SPIDR: variants seen among roughly 807,000 people sequenced by gnomAD.
SPIDR encodes DNA repair-scaffolding protein.
A neutral mutation model predicts 104.6 loss-of-function variants in SPIDR; 93 were observed. The observed-to-expected ratio is 0.89, with a 90% CI of 0.75 to 1.06. SPIDR has a LOEUF of 1.06. Among genes scored for constraint, SPIDR ranks in the 50% least tolerant of loss-of-function variants. The probability of loss-of-function intolerance (pLI) is 0.00; values close to 1 mark genes in which losing one functional copy is unlikely to be tolerated. For missense variants in SPIDR, 1,154 were observed against 1,111.2 expected (o/e 1.04, Z -0.55); for synonymous variants, 431 against 416.9 (o/e 1.03, Z -0.41).
At chr8:47,539,629 T>A (rs1412847764) in intron 8 of SPIDR, among the ~76,000 whole-genome samples, 2 of 152,064 alleles carry the variant, frequency 1.3e-5, no homozygotes, top group Non-Finnish European at 2.9e-5. Context: ...GTTTTTCTAA[T>A]CCACTCATGT....
chr8:47,335,793 G>A lies in SPIDR; in HGVS notation c.525+41763G>A, dbSNP rs143729762. ...ATTTCAGTCTACTCTTGCTTGCACTGTTTCTGAGAAGAAGTTGTTATCTTT... is the reference window on the plus strand; with the variant it reads ...ATTTCAGTCTACTCTTGCTTGCACTATTTCTGAGAAGAAGTTGTTATCTTT... On this transcript the variant is annotated intron_variant, in intron 5 of 19. Transcript: ENST00000297423. 3.1e-3 allele frequency among the ~76,000 whole-genome samples: 466 copies of A among 152,276 alleles called. 1 individual carries two copies. The highest frequency in any genetic ancestry group is 0.011 in the African/African-American group (455 of 41,546).
chr8:47,305,566 T>G (rs1466209174), intron 5 of SPIDR, among the ~76,000 whole-genome samples: 1 of 152,208 alleles, frequency 6.6e-6, no homozygotes, highest in Non-Finnish European at 1.5e-5. Flanking sequence ...TTGTACTACA[T>G]GGGAGTGTAT....
chr8:47,516,936 T>A (rs1270705284), intron 8 of SPIDR, among the ~76,000 whole-genome samples: 1 of 152,210 alleles, frequency 6.6e-6, no homozygotes, highest in East Asian at 1.9e-4. Flanking sequence ...CAACACTTGT[T>A]ATTTTCTTTT....
At chr8:47,673,592 G>GT (rs1257136334) in intron 10 of SPIDR, 11 of 630,988 alleles carry the variant, frequency 1.7e-5, no homozygotes, top group Middle Eastern at 4.0e-4. Context: ...TGAATTCAAC[G>GT]TTTTTTTAAT....
chr8:47,526,361 G>C (rs900626367), intron 8 of SPIDR, among the ~76,000 whole-genome samples: 5 of 152,200 alleles, frequency 3.3e-5, no homozygotes, highest in Non-Finnish European at 5.9e-5. Context: ...GCAGAGTCCT[G>C]CTACCTTACT....
At chr8:47,553,806 C>A (rs1035281396) in intron 8 of SPIDR, among the ~76,000 whole-genome samples, 2 of 152,196 alleles carry the variant, frequency 1.3e-5, no homozygotes, top group African/African-American at 4.8e-5. Flanking sequence ...GAACTGTCTT[C>A]CTTTGGAGGA....
In SPIDR at chr8:47,294,007, G is replaced by A; in HGVS notation, c.502G>A (p.Glu168Lys). 6.2e-7 allele frequency: 1 copy of A among 1,613,872 alleles called. No homozygotes were observed. Among genetic ancestry groups the A allele is most frequent in the Non-Finnish European group, 8.5e-7 (1 of 1,179,924 alleles). Residue 168 changes from glutamate to lysine, a missense_variant, in exon 5 of 20, where the codon GAG becomes AAG. By Grantham distance (56) the Glu-to-Lys change is moderately conservative. Coordinates refer to ENST00000297423, the MANE Select transcript of SPIDR (RefSeq NM_001080394.4). ...AAGTAATCAGTCTTTGACAAGTGAT[G>A]AGAAGCTGTCGGAGCTTCCCAAGGT... is the stretch of plus-strand genomic sequence containing the variant. ...CASNQSLTSD[E>K]KLSELPKPSS...
intron 8 of SPIDR, among the ~76,000 whole-genome samples, chr8:47,563,854 C>T (rs926467304): frequency 6.6e-6 from 1 of 151,972 alleles, no homozygotes; most frequent in African/African-American, 2.4e-5. Flanking sequence ...TTTAGTTGCT[C>T]TTGTTGGAAG....
At chr8:47,565,981 TATATA>T (rs2057748915) in intron 8 of SPIDR, among the ~76,000 whole-genome samples, 1 of 46,266 alleles carries the variant, frequency 2.2e-5, no homozygotes, top group Admixed American at 2.9e-4. Context: ...CATATATATA[TATATA>T]TATATATTTT....
At chr8:47,360,734 C>T (rs2055697604) in intron 5 of SPIDR, 1 of 600,254 alleles carries the variant, frequency 1.7e-6, no homozygotes, top group Non-Finnish European at 2.1e-6. Flanking sequence ...GCAGCTAGTT[C>T]AAATGAAAAA....
intron 1 of SPIDR, among the ~76,000 whole-genome samples, chr8:47,276,110 G>A (rs1255993588): frequency 2.6e-5 from 4 of 152,112 alleles, no homozygotes; most frequent in Admixed American, 2.0e-4. Context: ...ATCTGCCTGC[G>A]TTGGCCTCCC....
At chr8:47,355,825 A>G (rs1265033375) in intron 5 of SPIDR, among the ~76,000 whole-genome samples, 1 of 152,250 alleles carries the variant, frequency 6.6e-6, no homozygotes, top group African/African-American at 2.4e-5. Flanking sequence ...GAATGTGCAT[A>G]GATTTCTCAG....
chr8:47,582,412 A>G (rs2059798628), intron 8 of SPIDR, among the ~76,000 whole-genome samples: 2 of 152,244 alleles, frequency 1.3e-5, no homozygotes, highest in African/African-American at 2.4e-5. Context: ...GGGAATTCCT[A>G]AAACAAGTTG....
chr8:47,683,675 C>T (rs1487265894), intron 11 of SPIDR, among the ~76,000 whole-genome samples: 3 of 152,190 alleles, frequency 2.0e-5, no homozygotes, highest in Non-Finnish European at 4.4e-5. Context: ...CTCCAAAGAG[C>T]ATTTCCTTTG....
chr8:47,522,792 T>C (rs2154381181), intron 8 of SPIDR, among the ~76,000 whole-genome samples: 1 of 152,314 alleles, frequency 6.6e-6, no homozygotes, highest in Non-Finnish European at 1.5e-5. Flanking sequence ...TTCTTGGTTT[T>C]GGATAGGTTT....
At chr8:47,445,958 C>A (rs1204682633) in intron 8 of SPIDR, among the ~76,000 whole-genome samples, 1 of 152,060 alleles carries the variant, frequency 6.6e-6, no homozygotes, top group African/African-American at 2.4e-5. Flanking sequence ...TAAGAAACTC[C>A]CCCATAACAT....
intron 5 of SPIDR, among the ~76,000 whole-genome samples, chr8:47,345,037 C>G (rs1368995604): frequency 6.6e-6 from 1 of 152,196 alleles, no homozygotes; most frequent in Non-Finnish European, 1.5e-5. Context: ...AGTCCTTGCC[C>G]ATGCCTATGT....
chr8:47,466,369 T>G (rs1286253242), intron 8 of SPIDR, among the ~76,000 whole-genome samples: 4 of 152,218 alleles, frequency 2.6e-5, no homozygotes, highest in African/African-American at 7.2e-5. Context: ...CTAAGAAATT[T>G]GATCAAAACC....
chr8:47,662,485 C>T (rs909185813), intron 10 of SPIDR, among the ~76,000 whole-genome samples: 1 of 152,214 alleles, frequency 6.6e-6, no homozygotes, highest in Non-Finnish European at 1.5e-5. Context: ...ACTCCTTCCT[C>T]TCAGGCATTT....
Sources: allele counts gnomAD v4.1 joint callset (sites outside exome capture counted in the v4.1 genomes callset), GRCh38; gene constraint gnomAD v4.1.1; transcripts MANE v1.5; gene names NCBI Gene and HGNC (gene_info 2026-07-23, HGNC 2026-07-21).